CNN3: variants seen among roughly 807,000 people sequenced by gnomAD.
CNN3 encodes calponin-3.
A neutral mutation model predicts 39.0 loss-of-function variants in CNN3; 11 were observed. The observed-to-expected ratio is 0.28, with a 90% CI of 0.18 to 0.47. The LOEUF (loss-of-function observed/expected upper bound fraction) is 0.47. CNN3 is among the 20% of genes least tolerant of loss of function. The pLI is 0.99. For missense variants in CNN3, 266 were observed against 403.4 expected (o/e 0.66, Z 2.92); for synonymous variants, 101 against 138.3 (o/e 0.73, Z 1.89).
intron 1 of CNN3, among the ~76,000 whole-genome samples, chr1:94,914,666 T>C (rs1425625170): frequency 6.6e-6 from 1 of 152,236 alleles, no homozygotes; most frequent in East Asian, 1.9e-4. Flanking sequence ...GATCTCAGAT[T>C]GCAAATGCTT....
intron 1 of CNN3, among the ~76,000 whole-genome samples, chr1:94,923,481 T>A (rs1453595465): frequency 6.6e-6 from 1 of 150,918 alleles, no homozygotes; most frequent in East Asian, 1.9e-4. Context: ...TATTCCAGGC[T>A]GAAAGACTGG....
chr1:94,899,054 TAA>T (rs964285996), intron 6 of CNN3, among the ~76,000 whole-genome samples: 3 of 147,876 alleles, frequency 2.0e-5, no homozygotes, highest in African/African-American at 7.4e-5. Flanking sequence ...AAGGGCTCCT[TAA>T]AAAAAAAAGT....
Position 94,908,979 on chromosome 1 carries a change from T to TAA in CNN3, c.58-5457_58-5456dup, listed in dbSNP as rs58396959. Among the ~76,000 whole-genome samples, 426 of 134,420 alleles carry TAA rather than the reference T, an allele frequency of 3.2e-3. 2 individuals carry two copies. The highest frequency in any genetic ancestry group is 4.7e-3 in the South Asian group (19 of 4,014). The allele number at this position is 134,420 out of a possible 152,430, so 88.2% of individuals were successfully genotyped here. A position where few individuals can be genotyped will look rare whatever the true frequency, so the allele number is the denominator to read the frequency against. On this transcript the variant is annotated intron_variant, in intron 1 of 6. Transcript: ENST00000370206. ...GGGCAATATAGGGAGCCCGTCTCTT[T>TAA]AAAAAAAAAAAAAAAAAAATAGGCC... is the stretch of plus-strand genomic sequence containing the variant.
intron 5 of CNN3, 109 bp downstream of exon 5, chr1:94,901,560 C>A (rs567127255): frequency 1.5e-6 from 1 of 688,082 alleles, no homozygotes; most frequent in African/African-American, 1.8e-5. Context: ...ACACCCCCCC[C>A]CCAGTACTAT....
intron 1 of CNN3, among the ~76,000 whole-genome samples, chr1:94,920,141 G>A (rs1671402829): frequency 6.6e-6 from 1 of 152,242 alleles, no homozygotes; most frequent in African/African-American, 2.4e-5. Context: ...AGCCCGGTAA[G>A]CAAGACCTCT....
intron 5 of CNN3, among the ~76,000 whole-genome samples, chr1:94,900,532 C>CT (rs1670836371): frequency 6.6e-6 from 1 of 152,142 alleles, no homozygotes; most frequent in Non-Finnish European, 1.5e-5. Context: ...TTACATTACA[C>CT]TTTGCTTTTA....
chr1:94,899,365 G>A lies in CNN3; in HGVS notation c.648+6C>T. ...TCTTGTACACGTATAAAAAGGTATT[G>A]CTTACCTGGCTGGCTCCTTTATTAG... On this transcript the variant is annotated splice_donor_region_variant and intron_variant, in intron 6 of 6. Transcript: ENST00000370206. 3 of 1,612,734 alleles carry A rather than the reference G, an allele frequency of 1.9e-6. No individual in the cohort carries two copies. Among genetic ancestry groups the A allele is most frequent in the Non-Finnish European group, 2.5e-6 (3 of 1,179,578 alleles).
intron 1 of CNN3, among the ~76,000 whole-genome samples, chr1:94,921,016 G>A (rs1169111724): frequency 6.6e-6 from 1 of 152,172 alleles, no homozygotes; most frequent in Non-Finnish European, 1.5e-5. Context: ...TATGCTACAG[G>A]AGGGTAATGC....
chr1:94,903,105 G>A lies in CNN3; in HGVS notation c.246+17C>T, dbSNP rs763718705. On this transcript the variant is annotated intron_variant, in intron 3 of 6. Transcript: ENST00000370206. The stretch of plus-strand genomic sequence containing the variant: ...ATGCAACCAACTAGAACCAGAGGTG[G>A]TTGGTTTGGCTGTTACCTGAGGCCA... The A allele has an allele frequency of 7.2e-6, 11 of 1,531,694 alleles. No individual in the cohort carries two copies. In the Admixed American group the frequency reaches 1.9e-4, roughly 27 times the overall value. 94.9% of individuals were successfully genotyped at this position (1,531,694 alleles called of 1,614,324 possible). A position where few individuals can be genotyped will look rare whatever the true frequency, so the allele number is the denominator to read the frequency against.
chr1:94,923,101 C>T (rs1188747428), intron 1 of CNN3, among the ~76,000 whole-genome samples: 1 of 152,224 alleles, frequency 6.6e-6, no homozygotes, highest in Non-Finnish European at 1.5e-5. Context: ...TTGCTCTAAA[C>T]CTGATGAAGA....
chr1:94,899,251 T>G (rs1670800690), intron 6 of CNN3, 120 bp downstream of exon 6: 3 of 1,071,992 alleles, frequency 2.8e-6, no homozygotes, highest in Admixed American at 6.3e-5. Flanking sequence ...CCCAGCAAAG[T>G]CCACATTCCT....
At chr1:94,900,889 A>G (rs373365122) in intron 5 of CNN3, among the ~76,000 whole-genome samples, 99 of 152,310 alleles carry the variant, frequency 6.5e-4, no homozygotes, top group African/African-American at 2.3e-3. Flanking sequence ...GTCGTGTAAA[A>G]TTGCCTAATT....
At chr1:94,919,333 T>A (rs1449101103) in intron 1 of CNN3, among the ~76,000 whole-genome samples, 1 of 152,170 alleles carries the variant, frequency 6.6e-6, no homozygotes, top group Admixed American at 6.5e-5. Flanking sequence ...GCTCACAAGA[T>A]GATGCCTAAT....
chr1:94,919,824 G>A (rs1282442640), intron 1 of CNN3, among the ~76,000 whole-genome samples: 1 of 151,808 alleles, frequency 6.6e-6, no homozygotes. Context: ...CCTTCCCACC[G>A]CAGACACAGC....
In CNN3 at chr1:94,897,707, C is replaced by T; in HGVS notation, c.*35G>A. On this transcript the variant is annotated 3_prime_UTR_variant, in exon 7 of 7. Transcript: ENST00000370206. Reference sequence around the variant, plus strand: ...TAGCTTGGTTCTCACTGAATAAAAACAAAGGACTAAATACTGAGCTCCTTC... The same window carrying T: ...TAGCTTGGTTCTCACTGAATAAAAATAAAGGACTAAATACTGAGCTCCTTC... The T allele has an allele frequency of 6.4e-7, 1 of 1,570,258 alleles. No individual in the cohort carries two copies. Among genetic ancestry groups the T allele is most frequent in the Non-Finnish European group, 8.7e-7 (1 of 1,149,066 alleles).
At chr1:94,903,299 T>C (rs1670915346) in intron 2 of CNN3, 104 bp downstream of exon 2, 1 of 1,544,598 alleles carries the variant, frequency 6.5e-7, no homozygotes. Context: ...AAGATATCTG[T>C]AGAATATCAA....
chr1:94,900,586 G>C (rs1670837016), intron 5 of CNN3, among the ~76,000 whole-genome samples: 1 of 151,954 alleles, frequency 6.6e-6, no homozygotes, highest in Non-Finnish European at 1.5e-5. Context: ...TGAAATTTAG[G>C]TTTCCAGTTT....
intron 5 of CNN3, among the ~76,000 whole-genome samples, chr1:94,900,709 C>G (rs571137861): frequency 1.3e-5 from 2 of 152,238 alleles, no homozygotes; most frequent in South Asian, 4.2e-4. Context: ...GTAAAGCCAA[C>G]AGCATTTGGG....
At chr1:94,899,339 CTCT>C (rs770182258) in intron 6 of CNN3, 29 bp downstream of exon 6, 4 of 1,594,266 alleles carry the variant, frequency 2.5e-6, no homozygotes, top group Non-Finnish European at 3.4e-6. Context: ...GGTAAGTGTA[CTCT>C]TGTACACGTA....
Sources: gnomAD v4.1 joint callset for allele counts (sites outside exome capture counted in the v4.1 genomes callset) on GRCh38, gnomAD v4.1.1 for gene constraint, MANE v1.5 for transcripts, NCBI Gene and HGNC (gene_info 2026-07-23, HGNC 2026-07-21) for gene names.